Variants in LIMCH1 observed in about 807,000 individuals in gnomAD.
LIMCH1 encodes the protein LIM and calponin homology domains 1.
In LIMCH1, 113 loss-of-function variants were observed where a neutral mutation model predicts 176.5. The ratio of observed to expected loss-of-function variants is 0.64; its 90% CI spans 0.55 to 0.75. LIMCH1 has a LOEUF of 0.75. Ranked by LOEUF, LIMCH1 falls within the 30% of genes least tolerant of loss-of-function variation. The pLI, the probability that LIMCH1 is intolerant of heterozygous loss-of-function variation, is 0.00. For missense variants in LIMCH1, 1,674 were observed against 1,814.9 expected (o/e 0.92, Z 1.41); for synonymous variants, 619 against 645.9 (o/e 0.96, Z 0.63).
rs149047423 is a variant in LIMCH1, at chr4:41,635,192, G to A, written c.2090+1384G>A. 3.8e-3 allele frequency among the ~76,000 whole-genome samples: 571 copies of A among 151,770 alleles called. 3 individuals are homozygous for A. Among genetic ancestry groups the A allele is most frequent in the Middle Eastern group, 0.014 (4 of 290 alleles). On this transcript the variant is annotated intron_variant, in intron 13 of 31. Transcript: ENST00000503057. ...TCCCTCTCCAGCATGATGCCTACACGAGTAACTAGAGGAGACTGTGGAAGC... is the reference window on the plus strand; with the variant it reads ...TCCCTCTCCAGCATGATGCCTACACAAGTAACTAGAGGAGACTGTGGAAGC...
At position 41,698,626 on chromosome 4, in the gene LIMCH1, T is replaced by C. The variant is rs1429663046; in HGVS notation, c.*1441T>C. The C allele has an allele frequency of 1.3e-5, 2 of 152,604 alleles. No homozygotes were observed. The highest frequency in any genetic ancestry group is 4.8e-5 in the African/African-American group (2 of 41,440). The allele number at this position is 152,604 out of a possible 1,614,324, so 9.5% of individuals were successfully genotyped here. A position where few individuals can be genotyped will look rare whatever the true frequency, so the allele number is the denominator to read the frequency against. On this transcript the variant is annotated 3_prime_UTR_variant, in exon 32 of 32. Coordinates refer to ENST00000503057, the MANE Select transcript of LIMCH1 (RefSeq NM_001330672.2). ...CACTCCTAATAGATTGATGTAGTCATAAAAGGGGGTCAAGTAGATGTTTTT... is the reference window on the plus strand; with the variant it reads ...CACTCCTAATAGATTGATGTAGTCACAAAAGGGGGTCAAGTAGATGTTTTT...
At chr4:41,464,479 C>T (rs370504181) in intron 1 of LIMCH1, among the ~76,000 whole-genome samples, 91 of 151,166 alleles carry the variant, frequency 6.0e-4, no homozygotes, top group African/African-American at 1.0e-3. Flanking sequence ...CAGGTTCAAG[C>T]GATTCTCCTG....
intron 1 of LIMCH1, among the ~76,000 whole-genome samples, chr4:41,393,635 T>C (rs1454530392): frequency 6.6e-6 from 1 of 152,218 alleles, no homozygotes; most frequent in Non-Finnish European, 1.5e-5. Context: ...TTCTACAGAA[T>C]AGAGCATTAT....
chr4:41,456,931 G>A (rs2064682986), intron 1 of LIMCH1, among the ~76,000 whole-genome samples: 1 of 152,110 alleles, frequency 6.6e-6, no homozygotes, highest in Non-Finnish European at 1.5e-5. Context: ...ACAGTATGGG[G>A]GCTGAGTTTC....
intron 1 of LIMCH1, among the ~76,000 whole-genome samples, chr4:41,550,417 G>A (rs2080235751): frequency 1.3e-5 from 2 of 152,032 alleles, no homozygotes; most frequent in South Asian, 4.2e-4. Context: ...ATGCTCTGGA[G>A]TAAATGGCTC....
At chr4:41,575,025 A>G (rs1253412055) in intron 1 of LIMCH1, among the ~76,000 whole-genome samples, 1 of 152,174 alleles carries the variant, frequency 6.6e-6, no homozygotes, top group East Asian at 1.9e-4. Context: ...TGCACTCCCA[A>G]TTATGTGAAA....
chr4:41,399,637 A>G (rs940518735), intron 1 of LIMCH1, among the ~76,000 whole-genome samples: 28 of 150,210 alleles, frequency 1.9e-4, no homozygotes, highest in Non-Finnish European at 3.7e-4. Context: ...GACTTTATAT[A>G]TATTACTCAG....
chr4:41,675,582 ACTGGG>A (rs2095190343), intron 22 of LIMCH1, among the ~76,000 whole-genome samples: 1 of 152,072 alleles, frequency 6.6e-6, no homozygotes, highest in African/African-American at 2.4e-5. Context: ...ACTCTGGGTG[ACTGGG>A]GCAGCCGACT....
intron 2 of LIMCH1, among the ~76,000 whole-genome samples, chr4:41,599,287 A>G (rs1418412131): frequency 6.6e-6 from 1 of 152,214 alleles, no homozygotes; most frequent in Non-Finnish European, 1.5e-5. Context: ...AATGTTAAGT[A>G]AAGATTAACA....
chr4:41,512,753 G>T (rs1368083587), intron 2 of LIMCH1, among the ~76,000 whole-genome samples: 1 of 152,190 alleles, frequency 6.6e-6, no homozygotes, highest in Non-Finnish European at 1.5e-5. Flanking sequence ...GGGGTTGTGG[G>T]TGAGTAAGAG....
chr4:41,528,709 G>A (rs1018026326), intron 3 of LIMCH1, among the ~76,000 whole-genome samples: 2 of 152,130 alleles, frequency 1.3e-5, no homozygotes, highest in African/African-American at 2.4e-5. Flanking sequence ...AGCCATGCCC[G>A]TGTGTCTTAA....
At chr4:41,675,400 T>C (rs1445660568) in intron 22 of LIMCH1, among the ~76,000 whole-genome samples, 3 of 152,034 alleles carry the variant, frequency 2.0e-5, no homozygotes, top group Non-Finnish European at 4.4e-5. Context: ...TACATAGATT[T>C]TGCCTGCACC....
chr4:41,366,578 GGGATAA>G (rs1394597241), intron 1 of LIMCH1, among the ~76,000 whole-genome samples: 2 of 152,052 alleles, frequency 1.3e-5, no homozygotes, highest in African/African-American at 4.8e-5. Context: ...AGGAAAGGAA[GGGATAA>G]TAGAACTTTG....
intron 3 of LIMCH1, among the ~76,000 whole-genome samples, chr4:41,531,201 G>A (rs1228879526): frequency 6.6e-6 from 1 of 151,960 alleles, no homozygotes; most frequent in East Asian, 1.9e-4. Context: ...GGAGACCTAA[G>A]TTGTTAGAAA....
intron 1 of LIMCH1, among the ~76,000 whole-genome samples, chr4:41,576,971 T>G (rs2084584662): frequency 6.6e-6 from 1 of 152,192 alleles, no homozygotes. Context: ...GCGTTCTGCA[T>G]GTGCAACCAA....
intron 2 of LIMCH1, among the ~76,000 whole-genome samples, chr4:41,520,857 AGAT>A (rs1345060510): frequency 6.6e-6 from 1 of 152,178 alleles, no homozygotes; most frequent in Non-Finnish European, 1.5e-5. Flanking sequence ...ATGAATACGA[AGAT>A]GATCTCCTAC....
At chr4:41,465,482 T>G (rs2065977441) in intron 1 of LIMCH1, among the ~76,000 whole-genome samples, 1 of 152,212 alleles carries the variant, frequency 6.6e-6, no homozygotes, top group Non-Finnish European at 1.5e-5. Context: ...TCTCCTCCAG[T>G]GTGGATCACA....
intron 20 of LIMCH1, among the ~76,000 whole-genome samples, chr4:41,663,473 A>G (rs1229207827): frequency 1.3e-5 from 2 of 152,170 alleles, no homozygotes; most frequent in Non-Finnish European, 2.9e-5. Flanking sequence ...CTTACTGGCT[A>G]GTCTCTCTCC....
intron 1 of LIMCH1, among the ~76,000 whole-genome samples, chr4:41,547,863 GTATATATATATATATA>G (rs573342962): frequency 7.5e-5 from 7 of 93,224 alleles, no homozygotes; most frequent in South Asian, 3.8e-4. Context: ...TTGTGTGTGT[GTATATATATATATATA>G]TATATATATA....
Sources: gnomAD v4.1 joint callset for allele counts (sites outside exome capture counted in the v4.1 genomes callset) on GRCh38, gnomAD v4.1.1 for gene constraint, MANE v1.5 for transcripts, NCBI Gene and HGNC (gene_info 2026-07-23, HGNC 2026-07-21) for gene names.